Variants in DYNLT2B observed in about 807,000 individuals in gnomAD.
DYNLT2B encodes the protein dynein light chain Tctex-type 2B.
Under a neutral mutation model 19.5 loss-of-function variants are expected in DYNLT2B, and 14 were observed. The ratio of observed to expected loss-of-function variants is 0.72; its 90% CI spans 0.47 to 1.12. The LOEUF (loss-of-function observed/expected upper bound fraction) is 1.12, where lower values mean the gene tolerates loss of function less well. DYNLT2B is among the 50% of genes most tolerant of loss of function. The probability of loss-of-function intolerance (pLI) is 0.00; values close to 1 mark genes in which losing one functional copy is unlikely to be tolerated. For missense variants in DYNLT2B, 133 were observed against 174.7 expected (o/e 0.76, Z 1.35); for synonymous variants, 70 against 59.7 (o/e 1.17, Z -0.79).
rs190853442 is a variant in DYNLT2B at position 196,315,803 on chromosome 3, C to T, written c.247+295G>A. Among the ~76,000 whole-genome samples the T allele has an allele frequency of 4.2e-3, 645 of 152,138 alleles. 9 individuals carry two copies. The highest frequency in any genetic ancestry group is 0.015 in the African/African-American group (621 of 41,504). Reference sequence around the variant, plus strand: ...AGAAGAATCACTTGAACCCGGGAGGCGGAGTTTGCAGTGAGCCAAGATCAT... The same window carrying T: ...AGAAGAATCACTTGAACCCGGGAGGTGGAGTTTGCAGTGAGCCAAGATCAT... On this transcript the variant is annotated intron_variant, in intron 2 of 4. Coordinates refer to ENST00000325318, the MANE Select transcript of DYNLT2B (RefSeq NM_152773.5).
intron 3 of DYNLT2B, among the ~76,000 whole-genome samples, chr3:196,297,906 C>T (rs1158184886): frequency 6.6e-6 from 1 of 152,104 alleles, no homozygotes; most frequent in African/African-American, 2.4e-5. Flanking sequence ...TGAACCCAGC[C>T]TACTATCGCA....
At chr3:196,298,663 A>ACC (rs1726278535) in intron 3 of DYNLT2B, among the ~76,000 whole-genome samples, 3 of 152,112 alleles carry the variant, frequency 2.0e-5, no homozygotes, top group African/African-American at 7.2e-5. Context: ...AACAGTAAGA[A>ACC]AAGCTGGATA....
At chr3:196,312,660 T>C (rs1296721375) in intron 2 of DYNLT2B, among the ~76,000 whole-genome samples, 1 of 152,086 alleles carries the variant, frequency 6.6e-6, no homozygotes, top group East Asian at 1.9e-4. Flanking sequence ...GGTTTCACCA[T>C]GTTGGCAAGG....
At chr3:196,300,938 G>A (rs927118139) in intron 3 of DYNLT2B, among the ~76,000 whole-genome samples, 1 of 150,642 alleles carries the variant, frequency 6.6e-6, no homozygotes, top group Non-Finnish European at 1.5e-5. Context: ...TCATGCCTAC[G>A]GTCCCAGCTA....
chr3:196,302,050 T>A (rs1228352976), intron 3 of DYNLT2B, among the ~76,000 whole-genome samples: 1 of 151,932 alleles, frequency 6.6e-6, no homozygotes, highest in East Asian at 1.9e-4. Context: ...AAGGTTGCGA[T>A]GAGTCGAGAT....
At chr3:196,302,181 G>A (rs1457978029) in intron 3 of DYNLT2B, among the ~76,000 whole-genome samples, 1 of 152,150 alleles carries the variant, frequency 6.6e-6, no homozygotes, top group Non-Finnish European at 1.5e-5. Flanking sequence ...GAGACATGTG[G>A]AATACTGAGA....
intron 1 of DYNLT2B, 35 bp downstream of exon 1, chr3:196,318,005 C>A (rs1273648815): frequency 1.5e-6 from 2 of 1,359,652 alleles, no homozygotes; most frequent in African/African-American, 1.5e-5. Flanking sequence ...CCAGCGCGCT[C>A]GAGGTCGCCC....
chr3:196,293,941 CA>C (rs942631032), intron 4 of DYNLT2B, among the ~76,000 whole-genome samples: 1 of 150,348 alleles, frequency 6.7e-6, no homozygotes. Context: ...CCGTGCCTGG[CA>C]AAAAAAACCA....
At chr3:196,302,587 T>C (rs921148473) in intron 3 of DYNLT2B, among the ~76,000 whole-genome samples, 1 of 152,130 alleles carries the variant, frequency 6.6e-6, no homozygotes, top group African/African-American at 2.4e-5. Flanking sequence ...ACAGAATACA[T>C]AAATAAATGG....
chr3:196,300,087 A>G lies in DYNLT2B; in HGVS notation c.318-4018T>C, dbSNP rs528798341. Among the ~76,000 whole-genome samples the G allele has an allele frequency of 4.6e-5, 7 of 152,300 alleles. No homozygotes were observed. In the South Asian group the frequency reaches 1.5e-3, roughly 32 times the overall value. ...AAACGGCTTATGGGCTAAGGAGTTCAGGGGCCTCTAACTGGAACAGACGAG... is the reference window on the plus strand; with the variant it reads ...AAACGGCTTATGGGCTAAGGAGTTCGGGGGCCTCTAACTGGAACAGACGAG... On this transcript the variant is annotated intron_variant, in intron 3 of 4. Transcript: ENST00000325318.
chr3:196,316,531 CTTG>C (rs915551385), intron 1 of DYNLT2B, among the ~76,000 whole-genome samples: 3 of 151,894 alleles, frequency 2.0e-5, no homozygotes, highest in East Asian at 1.9e-4. Flanking sequence ...AAAATATATA[CTTG>C]TTGTTAATTT....
intron 2 of DYNLT2B, among the ~76,000 whole-genome samples, chr3:196,312,618 C>A (rs957820137): frequency 6.6e-6 from 1 of 151,386 alleles, no homozygotes; most frequent in African/African-American, 2.4e-5. Flanking sequence ...ACTACCACGC[C>A]CGGCTAATTT....
chr3:196,302,899 CAA>C (rs773410020), intron 3 of DYNLT2B, among the ~76,000 whole-genome samples: 3 of 151,832 alleles, frequency 2.0e-5, no homozygotes, highest in Non-Finnish European at 4.4e-5. Context: ...TAGTTTAAAA[CAA>C]AGACGGTAAC....
intron 3 of DYNLT2B, 129 bp from the exon 4 acceptor site, chr3:196,296,198 G>GAA: frequency 2.6e-6 from 2 of 763,548 alleles, no homozygotes; most frequent in Non-Finnish European, 4.5e-6. Context: ...TCACAGGTAG[G>GAA]TACCCACAGA....
chr3:196,305,167 A>G (rs980866007), intron 3 of DYNLT2B, among the ~76,000 whole-genome samples: 1 of 151,912 alleles, frequency 6.6e-6, no homozygotes, highest in African/African-American at 2.4e-5. Flanking sequence ...TACAGGTGTG[A>G]GCCACCACGC....
chr3:196,311,093 A>C (rs989401178), intron 2 of DYNLT2B, among the ~76,000 whole-genome samples: 1 of 152,164 alleles, frequency 6.6e-6, no homozygotes, highest in African/African-American at 2.4e-5. Flanking sequence ...GCCCTAGGGA[A>C]CAAACAGAAT....
rs1726610925 is a variant in DYNLT2B, at chr3:196,310,539, C to T, written c.248-3527G>A. Among the ~76,000 whole-genome samples, 3 of 151,840 alleles carry T rather than the reference C, an allele frequency of 2.0e-5. No homozygotes were observed. In the Admixed American group the frequency reaches 2.0e-4, roughly 10 times the overall value. On this transcript the variant is annotated intron_variant, in intron 2 of 4. Coordinates refer to ENST00000325318, the MANE Select transcript of DYNLT2B (RefSeq NM_152773.5). The stretch of plus-strand genomic sequence containing the variant: ...CACCTCCTGGGTTCAAGCGATTCTC[C>T]CACCTGAGCCTTCTGAGTAGCTGGG...
intron 2 of DYNLT2B, among the ~76,000 whole-genome samples, chr3:196,309,185 G>A (rs1200270219): frequency 6.6e-6 from 1 of 152,210 alleles, no homozygotes; most frequent in Non-Finnish European, 1.5e-5. Context: ...GGAGGCTGAG[G>A]CGGGAGGATC....
intron 1 of DYNLT2B, among the ~76,000 whole-genome samples, chr3:196,316,933 T>G (rs1482227870): frequency 2.3e-5 from 2 of 88,034 alleles, no homozygotes; most frequent in Non-Finnish European, 5.0e-5. Flanking sequence ...GTGTGTTGTG[T>G]GGTGTGTGTG....
Sources: allele counts gnomAD v4.1 joint callset (sites outside exome capture counted in the v4.1 genomes callset), GRCh38; gene constraint gnomAD v4.1.1; transcripts MANE v1.5; gene names NCBI Gene and HGNC (gene_info 2026-07-23, HGNC 2026-07-21).